GXYLT1: variants seen among roughly 807,000 people sequenced by gnomAD.
The protein encoded by GXYLT1 is glucoside xylosyltransferase 1.
In GXYLT1, 29 loss-of-function variants were observed where a neutral mutation model predicts 54.0. The observed-to-expected ratio is 0.54, with a 90% CI of 0.40 to 0.73. The LOEUF (loss-of-function observed/expected upper bound fraction) is 0.73. GXYLT1 is among the 30% of genes least tolerant of loss of function. GXYLT1 has a pLI of 0.00. For missense variants in GXYLT1, 490 were observed against 553.4 expected, an observed-to-expected ratio of 0.89 and a Z score of 1.15; for synonymous variants, 176 against 204.1, an observed-to-expected ratio of 0.86 and a Z score of 1.17.
intron 1 of GXYLT1, among the ~76,000 whole-genome samples, chr12:42,134,638 G>A (rs1343248429): frequency 6.6e-6 from 1 of 152,054 alleles, no homozygotes; most frequent in Non-Finnish European, 1.5e-5. Flanking sequence ...TACATCATAT[G>A]GTTCATCCAT....
At chr12:42,125,275 G>C (rs1367102285) in intron 2 of GXYLT1, among the ~76,000 whole-genome samples, 1 of 152,168 alleles carries the variant, frequency 6.6e-6, no homozygotes, top group Non-Finnish European at 1.5e-5. Context: ...ACAGATGAAG[G>C]AAAGTCTGAG....
intron 1 of GXYLT1, among the ~76,000 whole-genome samples, chr12:42,131,142 C>T (rs978966085): frequency 3.9e-5 from 6 of 152,132 alleles, no homozygotes; most frequent in Non-Finnish European, 8.8e-5. Flanking sequence ...AAAGAAAACA[C>T]CTTACATTAC....
chr12:42,123,944 AAAAG>A (rs1304756448), intron 2 of GXYLT1, among the ~76,000 whole-genome samples: 2 of 151,028 alleles, frequency 1.3e-5, no homozygotes, highest in African/African-American at 4.9e-5. Flanking sequence ...ATAATGGACT[AAAAG>A]AAAGAAAAAA....
At chr12:42,141,559 C>T (rs921045899) in intron 1 of GXYLT1, among the ~76,000 whole-genome samples, 1 of 150,832 alleles carries the variant, frequency 6.6e-6, no homozygotes, top group African/African-American at 2.5e-5. Context: ...AAAAAAAAAA[C>T]CCTATGTGAA....
intron 1 of GXYLT1, among the ~76,000 whole-genome samples, chr12:42,136,751 T>TATACATACATAC (rs58827513): frequency 0.61 from 89,650 of 147,210 alleles, 27,902 homozygotes; most frequent in Middle Eastern, 0.71. Context: ...GGAGGTTTTT[T>TATACATACATAC]ATACATACAT....
chr12:42,119,169 TACC>T lies in GXYLT1; in HGVS notation c.315-1_316del, dbSNP rs2065515416. On this transcript the variant is annotated splice_acceptor_variant and coding_sequence_variant, in exon 3 of 8. Coordinates refer to ENST00000398675, the MANE Select transcript of GXYLT1 (RefSeq NM_173601.2). LOFTEE classifies it high-confidence loss of function. ...CTCAACAGGCTGTATTTTCAGACTGTACCTAATAGGAAAGAAAACCACATTTTT... is the reference window on the plus strand; with the variant it reads ...CTCAACAGGCTGTATTTTCAGACTGTTAATAGGAAAGAAAACCACATTTTT... 2.1e-6 allele frequency: 3 copies of T among 1,412,588 alleles called. No individual in the cohort carries two copies. In the Admixed American group the frequency reaches 6.7e-5, roughly 32 times the overall value. The allele number at this position is 1,412,588 out of a possible 1,614,324, so 87.5% of individuals were successfully genotyped here. A position where few individuals can be genotyped will look rare whatever the true frequency, so the allele number is the denominator to read the frequency against.
At position 42,144,806 on chromosome 12, in the gene GXYLT1, A is replaced by T. The variant is rs1459009602; in HGVS notation, c.-160T>A. ...TCCCTTCCTTCCCTCCCCGCCCACC[A>T]CCTAGGCGAGCGCAGTCGCGGCTCC... On this transcript the variant is annotated 5_prime_UTR_variant, in exon 1 of 8. Coordinates refer to ENST00000398675, the MANE Select transcript of GXYLT1 (RefSeq NM_173601.2). The T allele has an allele frequency of 1.1e-5, 5 of 441,784 alleles. No individual in the cohort carries two copies. The highest frequency in any genetic ancestry group is 1.9e-5 in the Non-Finnish European group (5 of 268,766). The allele number at this position is 441,784 out of a possible 1,614,324, so 27.4% of individuals were successfully genotyped here.
intron 2 of GXYLT1, among the ~76,000 whole-genome samples, chr12:42,120,139 A>T (rs1314096392): frequency 6.6e-6 from 1 of 152,320 alleles, no homozygotes; most frequent in East Asian, 1.9e-4. Context: ...GTTATTAAAA[A>T]AAAACCCTTA....
intron 5 of GXYLT1, among the ~76,000 whole-genome samples, chr12:42,101,710 T>C (rs1385179893): frequency 6.6e-6 from 1 of 152,134 alleles, no homozygotes; most frequent in African/African-American, 2.4e-5. Context: ...TAGCTGGAAT[T>C]ACAGGCACCT....
chr12:42,105,973 T>A lies in GXYLT1; in HGVS notation c.709A>T (p.Asn237Tyr). ...GCCATTGCAGCAATTTGTGTGGAAT[T>A]AAATTTCTTTAGTAAAGACCAAATA... ...DDIWSLLKKFNSTQIAAMAPE... is the reference protein window; with the variant it reads ...DDIWSLLKKFYSTQIAAMAPE... Residue 237 changes from asparagine to tyrosine, a missense_variant, in exon 5 of 8, where the codon AAT becomes TAT. By Grantham distance (143) the Asn-to-Tyr change is moderately radical. This residue lies in a region of GXYLT1 where 342 missense variants were observed against 342.6 expected (regional missense o/e 1.00). Coordinates refer to ENST00000398675, the MANE Select transcript of GXYLT1 (RefSeq NM_173601.2). 6.2e-7 allele frequency: 1 copy of A among 1,614,032 alleles called. No individual in the cohort carries two copies. The highest frequency in any genetic ancestry group is 8.5e-7 in the Non-Finnish European group (1 of 1,179,892).
intron 7 of GXYLT1, among the ~76,000 whole-genome samples, chr12:42,092,219 G>A (rs914349338): frequency 6.6e-6 from 1 of 152,146 alleles, no homozygotes; most frequent in African/African-American, 2.4e-5. Context: ...CTTAGGAAAC[G>A]GGGGTCATCA....
rs1387485702 is a variant in GXYLT1, at chr12:42,094,322, G to A, written c.1161+3120C>T. Among the ~76,000 whole-genome samples, 3 of 147,976 alleles carry A rather than the reference G, an allele frequency of 2.0e-5. 1 individual carries two copies. In the Admixed American group the frequency reaches 2.1e-4, roughly 10 times the overall value. ...GCTGTGATCACACTACTGCACTCCA[G>A]CCTGGGTGACAAGAGCATAACCCTG... On this transcript the variant is annotated intron_variant, in intron 7 of 7. Transcript: ENST00000398675.
At position 42,087,927 on chromosome 12, in the gene GXYLT1, G is replaced by A; in HGVS notation, c.1182C>T (p.Asn394=). 1.3e-6 allele frequency: 2 copies of A among 1,551,566 alleles called. No homozygotes were observed. The highest frequency in any genetic ancestry group is 2.5e-5 in the South Asian group (2 of 81,270). Residue 394 remains asparagine (N), a synonymous_variant, in exon 8 of 8, where the codon AAC becomes AAT. Coordinates refer to ENST00000398675, the MANE Select transcript of GXYLT1 (RefSeq NM_173601.2). The part of the protein sequence containing the change: ...ALRNCSFEDD[N]IRSLLKPLEL... ...CTAAAGGTTTTAATAAGGAACGGAT[G>A]TTGTCATCTTCAAAAGAACACTAGA... is the stretch of plus-strand genomic sequence containing the variant.
At chr12:42,098,760 C>CATATATATATAT (rs60199719) in intron 5 of GXYLT1, among the ~76,000 whole-genome samples, 5,000 of 96,614 alleles carry the variant, frequency 0.052, 322 homozygotes, top group East Asian at 0.11. Context: ...AAATTTAAAA[C>CATATATATATAT]ATATATATAT....
chr12:42,122,561 G>A (rs745429767), intron 2 of GXYLT1, among the ~76,000 whole-genome samples: 2 of 152,186 alleles, frequency 1.3e-5, no homozygotes, highest in Admixed American at 6.5e-5. Flanking sequence ...TTGCACTACA[G>A]TCTGGGCAAC....
At chr12:42,110,421 G>A (rs2065446299) in intron 3 of GXYLT1, among the ~76,000 whole-genome samples, 1 of 152,154 alleles carries the variant, frequency 6.6e-6, no homozygotes, top group Non-Finnish European at 1.5e-5. Flanking sequence ...TTATGTACAG[G>A]CTGAATAAAA....
chr12:42,105,751 G>A, intron 5 of GXYLT1, 67 bp downstream of exon 5: 1 of 1,281,458 alleles, frequency 7.8e-7, no homozygotes, highest in Non-Finnish European at 1.1e-6. Flanking sequence ...ATAAAATTTA[G>A]TTTTATTAAA....
At chr12:42,111,121 C>T (rs2065451589) in intron 3 of GXYLT1, among the ~76,000 whole-genome samples, 1 of 152,284 alleles carries the variant, frequency 6.6e-6, no homozygotes, top group South Asian at 2.1e-4. Flanking sequence ...AAGATTAATT[C>T]CTCAATATTT....
chr12:42,086,935 A>C lies in GXYLT1; in HGVS notation c.*851T>G. The C allele has an allele frequency of 6.6e-6, 1 of 152,128 alleles. No individual in the cohort carries two copies. The highest frequency in any genetic ancestry group is 2.1e-4 in the South Asian group (1 of 4,824). The allele number at this position is 152,128 out of a possible 1,614,324, so 9.4% of individuals were successfully genotyped here. A position where few individuals can be genotyped will look rare whatever the true frequency, so the allele number is the denominator to read the frequency against. ...TTTCCACCATCATGAGTATACTCTT[A>C]AGGTTCTCACTTTACCATCAGCATA... On this transcript the variant is annotated 3_prime_UTR_variant, in exon 8 of 8. Transcript: ENST00000398675.
Sources: gnomAD v4.1 joint callset for allele counts (sites outside exome capture counted in the v4.1 genomes callset) on GRCh38, gnomAD v4.1.1 for gene constraint, gnomAD v4.1.1 regional missense constraint, MANE v1.5 for transcripts, NCBI Gene and HGNC (gene_info 2026-07-23, HGNC 2026-07-21) for gene names.